PPM1E: variants seen among roughly 807,000 people sequenced by gnomAD.
PPM1E encodes protein phosphatase, Mg2+/Mn2+ dependent 1E.
A neutral mutation model predicts 65.9 loss-of-function variants in PPM1E; 20 were observed. The observed-to-expected ratio is 0.30, with a 90% CI of 0.21 to 0.44. PPM1E has a LOEUF of 0.44. Ranked by LOEUF, PPM1E falls within the 20% of genes least tolerant of loss-of-function variation. PPM1E has a pLI of 1.00. For missense variants in PPM1E, 713 were observed against 953.1 expected (o/e 0.75, Z 3.32); for synonymous variants, 352 against 374.9 (o/e 0.94, Z 0.70).
In PPM1E at chr17:58,928,824, T is replaced by G. The variant is rs185153813; in HGVS notation, c.465-26825T>G. On this transcript the variant is annotated intron_variant, in intron 1 of 6. Transcript: ENST00000308249. ...TTCAAGTGATTCTCCTGCCTCAGCCTCCTGAGTAGCTGGGATTAAAGGCGC... is the reference window on the plus strand; with the variant it reads ...TTCAAGTGATTCTCCTGCCTCAGCCGCCTGAGTAGCTGGGATTAAAGGCGC... Among the ~76,000 whole-genome samples the G allele has an allele frequency of 4.7e-3, 706 of 151,760 alleles. 4 individuals carry two copies. Among genetic ancestry groups the G allele is most frequent in the Non-Finnish European group, 8.2e-3 (554 of 67,958 alleles).
At chr17:58,845,099 T>C (rs1489655485) in intron 1 of PPM1E, among the ~76,000 whole-genome samples, 1 of 152,206 alleles carries the variant, frequency 6.6e-6, no homozygotes, top group African/African-American at 2.4e-5. Context: ...TTAACAGTGT[T>C]GCTAATCACT....
chr17:58,803,968 A>G, intron 1 of PPM1E, among the ~76,000 whole-genome samples: 1 of 152,210 alleles, frequency 6.6e-6, no homozygotes, highest in East Asian at 1.9e-4. Flanking sequence ...TTATTCTGTC[A>G]CCCAGGTTGG....
chr17:58,972,387 GT>G lies in PPM1E; in HGVS notation c.1116+114del, dbSNP rs1598699854. On this transcript the variant is annotated intron_variant, in intron 5 of 6. Transcript: ENST00000308249. ...TTTTTTTGAGATGGAGTTTCACTCT[GT>G]TGCCCAGGCTGGAGTGCAATGGTGT... 3 of 1,191,662 alleles carry G rather than the reference GT, an allele frequency of 2.5e-6. No homozygotes were observed. The East Asian group carries it at 7.7e-5, about 31-fold the overall frequency. The allele number at this position is 1,191,662 out of a possible 1,614,324, so 73.8% of individuals were successfully genotyped here.
intron 1 of PPM1E, among the ~76,000 whole-genome samples, chr17:58,851,202 T>C (rs957219142): frequency 1.3e-5 from 2 of 152,174 alleles, no homozygotes; most frequent in African/African-American, 4.8e-5. Context: ...GTTTTTAGCT[T>C]CCTGGAGATG....
intron 1 of PPM1E, among the ~76,000 whole-genome samples, chr17:58,869,398 G>C (rs1317555751): frequency 5.9e-5 from 9 of 152,126 alleles, no homozygotes; most frequent in Non-Finnish European, 1.3e-4. Context: ...CAGATCATTT[G>C]TGAGTGGCTT....
At chr17:58,948,116 C>T (rs2052187323) in intron 1 of PPM1E, among the ~76,000 whole-genome samples, 1 of 152,134 alleles carries the variant, frequency 6.6e-6, no homozygotes, top group Non-Finnish European at 1.5e-5. Flanking sequence ...TCAAAAGTCA[C>T]ACAGTATCAC....
intron 1 of PPM1E, among the ~76,000 whole-genome samples, chr17:58,835,246 C>T (rs1266487188): frequency 6.6e-6 from 1 of 151,896 alleles, no homozygotes; most frequent in Non-Finnish European, 1.5e-5. Flanking sequence ...GAGGCTAAGG[C>T]GAGGTGATTG....
chr17:58,883,916 C>T (rs1287220753), intron 1 of PPM1E, among the ~76,000 whole-genome samples: 1 of 152,116 alleles, frequency 6.6e-6, no homozygotes, highest in Non-Finnish European at 1.5e-5. Context: ...AGGGAACCTT[C>T]TGACTTCAAC....
intron 1 of PPM1E, among the ~76,000 whole-genome samples, chr17:58,817,050 T>G (rs1465697683): frequency 6.6e-6 from 1 of 151,906 alleles, no homozygotes; most frequent in Non-Finnish European, 1.5e-5. Context: ...TGCCTTGGCC[T>G]CCCAAAGTGC....
intron 1 of PPM1E, among the ~76,000 whole-genome samples, chr17:58,927,502 A>T (rs998705678): frequency 8.5e-5 from 13 of 152,142 alleles, no homozygotes; most frequent in African/African-American, 3.1e-4. Flanking sequence ...TTTCCAAAAA[A>T]ATTGTGGAAT....
chr17:58,932,253 G>A (rs1020430158), intron 1 of PPM1E, among the ~76,000 whole-genome samples: 1 of 152,190 alleles, frequency 6.6e-6, no homozygotes, highest in Non-Finnish European at 1.5e-5. Flanking sequence ...TGAATCACTT[G>A]AGGTCAGGAG....
intron 1 of PPM1E, among the ~76,000 whole-genome samples, chr17:58,766,823 A>G (rs914472460): frequency 6.6e-6 from 1 of 152,314 alleles, no homozygotes; most frequent in Admixed American, 6.5e-5. Flanking sequence ...AATATTTATT[A>G]GTTCAAAGTG....
intron 1 of PPM1E, among the ~76,000 whole-genome samples, chr17:58,827,957 G>A (rs934663333): frequency 4.0e-5 from 6 of 150,784 alleles, no homozygotes; most frequent in African/African-American, 7.3e-5. Context: ...GGTGGCTCAC[G>A]CCTGTAACCC....
At chr17:58,796,896 AG>A (rs1224587936) in intron 1 of PPM1E, among the ~76,000 whole-genome samples, 1 of 152,096 alleles carries the variant, frequency 6.6e-6, no homozygotes, top group African/African-American at 2.4e-5. Flanking sequence ...ACCTGAGGTC[AG>A]GGGTTTGAGA....
intron 1 of PPM1E, among the ~76,000 whole-genome samples, chr17:58,759,533 T>A (rs2049802811): frequency 6.6e-6 from 1 of 152,260 alleles, no homozygotes; most frequent in South Asian, 2.1e-4. Flanking sequence ...TATATTTGTT[T>A]TAATCCAGAA....
intron 4 of PPM1E, among the ~76,000 whole-genome samples, chr17:58,970,598 T>C (rs1425920652): frequency 6.6e-6 from 1 of 152,188 alleles, no homozygotes; most frequent in East Asian, 1.9e-4. Flanking sequence ...CAAGCAATAA[T>C]GGGGCTTAGA....
chr17:58,904,955 C>T (rs558851060), intron 1 of PPM1E, among the ~76,000 whole-genome samples: 12 of 151,960 alleles, frequency 7.9e-5, no homozygotes, highest in East Asian at 5.8e-4. Context: ...ACCCAGAAGG[C>T]GGAGGTTTTG....
chr17:58,859,914 A>G (rs1347630027), intron 1 of PPM1E, among the ~76,000 whole-genome samples: 1 of 152,204 alleles, frequency 6.6e-6, no homozygotes, highest in Non-Finnish European at 1.5e-5. Context: ...TCTGGGATAT[A>G]GACATAAGAC....
intron 1 of PPM1E, among the ~76,000 whole-genome samples, chr17:58,846,210 A>G (rs920086457): frequency 6.6e-6 from 1 of 152,106 alleles, no homozygotes; most frequent in African/African-American, 2.4e-5. Flanking sequence ...TGGTAATTCT[A>G]TTTTAAACTC....
Sources: allele counts gnomAD v4.1 joint callset (sites outside exome capture counted in the v4.1 genomes callset), GRCh38; gene constraint gnomAD v4.1.1; transcripts MANE v1.5; gene names NCBI Gene and HGNC (gene_info 2026-07-23, HGNC 2026-07-21).